KIRREL1: variants seen among roughly 807,000 people sequenced by gnomAD.
KIRREL1 encodes kin of IRRE-like protein 1.
A neutral mutation model predicts 83.3 loss-of-function variants in KIRREL1; 25 were observed. The ratio of observed to expected loss-of-function variants is 0.30; its 90% CI spans 0.22 to 0.42. KIRREL1 has a LOEUF of 0.42. KIRREL1 is among the 10% of genes least tolerant of loss of function. KIRREL1 has a pLI of 1.00. For synonymous variants in KIRREL1, 388 were observed against 410.4 expected (o/e 0.95, Z 0.66); for missense variants, 812 against 1,032.3 (o/e 0.79, Z 2.92).
intron 1 of KIRREL1, among the ~76,000 whole-genome samples, chr1:158,068,643 TCTC>T (rs1381525159): frequency 6.6e-6 from 1 of 152,168 alleles, no homozygotes; most frequent in African/African-American, 2.4e-5. Flanking sequence ...TGCCTTCTCT[TCTC>T]CTCTATCAGA....
intron 1 of KIRREL1, among the ~76,000 whole-genome samples, chr1:158,012,169 G>C (rs1659707570): frequency 6.6e-6 from 1 of 152,170 alleles, no homozygotes; most frequent in Non-Finnish European, 1.5e-5. Flanking sequence ...AGGTGACCTG[G>C]ATTTTAATCT....
chr1:158,000,899 G>A (rs1304466302), intron 1 of KIRREL1, among the ~76,000 whole-genome samples: 1 of 152,192 alleles, frequency 6.6e-6, no homozygotes, highest in East Asian at 1.9e-4. Context: ...AATTCCATTA[G>A]TTTCCCAGGA....
At chr1:158,036,796 G>C (rs1395401981) in intron 1 of KIRREL1, among the ~76,000 whole-genome samples, 1 of 152,186 alleles carries the variant, frequency 6.6e-6, no homozygotes, top group East Asian at 1.9e-4. Flanking sequence ...CTGAAGTAGG[G>C]GATAGAGAGG....
intron 4 of KIRREL1, among the ~76,000 whole-genome samples, chr1:158,084,872 T>C (rs1332082523): frequency 1.3e-5 from 2 of 152,250 alleles, no homozygotes; most frequent in Non-Finnish European, 2.9e-5. Context: ...AAACACTTTA[T>C]GGACAGTCTC....
chr1:158,043,028 C>G (rs1660678655), intron 1 of KIRREL1, among the ~76,000 whole-genome samples: 1 of 149,202 alleles, frequency 6.7e-6, no homozygotes, highest in South Asian at 2.1e-4. Context: ...ACGGAGCTTG[C>G]AGTGAGCGGA....
chr1:158,035,770 G>T (rs531713060), intron 1 of KIRREL1, among the ~76,000 whole-genome samples: 30 of 152,244 alleles, frequency 2.0e-4, no homozygotes, highest in Admixed American at 1.3e-4. Context: ...CCTGCTATGT[G>T]GAGACCATGT....
chr1:158,087,762 T>C lies in KIRREL1; in HGVS notation c.669T>C (p.Pro223=), dbSNP rs759081693. The C allele has an allele frequency of 1.2e-6, 2 of 1,613,650 alleles. No individual in the cohort carries two copies. ...CTGTGCTCTACTTTGCAGACCCTCCTACAGTGACCCTGTCCATTGAGCCAC... is the reference window on the plus strand; with the variant it reads ...CTGTGCTCTACTTTGCAGACCCTCCCACAGTGACCCTGTCCATTGAGCCAC... The part of the protein sequence containing the change: ...TSIELDVHHP[P]TVTLSIEPQT... The change falls in exon 6 of 15, where the codon CCT becomes CCC. Residue 223 remains proline, a synonymous_variant. Transcript: ENST00000359209.
chr1:158,088,516 G>T, intron 8 of KIRREL1, 62 bp downstream of exon 8: 7 of 1,352,526 alleles, frequency 5.2e-6, no homozygotes, highest in African/African-American at 1.8e-5. Flanking sequence ...ACGGAGTCTC[G>T]CTCTGTCGCC....
chr1:157,995,847 G>A (rs1659183110), intron 1 of KIRREL1, among the ~76,000 whole-genome samples: 1 of 151,970 alleles, frequency 6.6e-6, no homozygotes, highest in African/African-American at 2.4e-5. Flanking sequence ...GACAGGAGGG[G>A]AGGGGAAATC....
At chr1:158,019,066 C>T (rs1375492922) in intron 1 of KIRREL1, among the ~76,000 whole-genome samples, 1 of 152,174 alleles carries the variant, frequency 6.6e-6, no homozygotes, top group Non-Finnish European at 1.5e-5. Context: ...CTCCACTCTG[C>T]CCTCTAGAAA....
At chr1:158,041,902 G>A (rs557703189) in intron 1 of KIRREL1, among the ~76,000 whole-genome samples, 1 of 152,188 alleles carries the variant, frequency 6.6e-6, no homozygotes, top group African/African-American at 2.4e-5. Flanking sequence ...AGCTAGAGAT[G>A]GCGAGGAGGG....
In KIRREL1 at chr1:158,096,887, C is replaced by T. The variant is rs1662368680; in HGVS notation, c.*1767C>T. On this transcript the variant is annotated 3_prime_UTR_variant, in exon 15 of 15. Coordinates refer to ENST00000359209, the MANE Select transcript of KIRREL1 (RefSeq NM_018240.7). ...TTCCTCGCCCTTTCTCCGTGGTCAC[C>T]ATTCATAATTCATGTTCGCTTTAAT... 2.2e-6 allele frequency: 1 copy of T among 456,622 alleles called. No homozygotes were observed. The highest frequency in any genetic ancestry group is 2.0e-5 in the African/African-American group (1 of 50,074). The allele number at this position is 456,622 out of a possible 1,614,324, so 28.3% of individuals were successfully genotyped here.
At chr1:158,086,372 C>T (rs933339614) in intron 4 of KIRREL1, among the ~76,000 whole-genome samples, 1 of 151,106 alleles carries the variant, frequency 6.6e-6, no homozygotes, top group African/African-American at 2.4e-5. Context: ...ATAGCAAGAC[C>T]CTAAAAATAT....
intron 1 of KIRREL1, among the ~76,000 whole-genome samples, chr1:157,997,108 A>G (rs1659227290): frequency 6.6e-6 from 1 of 152,076 alleles, no homozygotes; most frequent in South Asian, 2.1e-4. Context: ...TAAATATCTG[A>G]TCAATTGATT....
chr1:158,051,738 C>A (rs751871683), intron 1 of KIRREL1, among the ~76,000 whole-genome samples: 1 of 152,162 alleles, frequency 6.6e-6, no homozygotes, highest in African/African-American at 2.4e-5. Flanking sequence ...AGATGAAGTT[C>A]ATACTCCTTG....
At chr1:158,012,753 C>T (rs972434370) in intron 1 of KIRREL1, among the ~76,000 whole-genome samples, 4 of 152,244 alleles carry the variant, frequency 2.6e-5, no homozygotes, top group African/African-American at 7.2e-5. Flanking sequence ...TTCTTTGTCT[C>T]AGCCTCCCAT....
At chr1:158,086,449 CAA>C in intron 4 of KIRREL1, 145 bp from the exon 5 acceptor site, 1 of 667,022 alleles carries the variant, frequency 1.5e-6, no homozygotes, top group South Asian at 2.0e-5. Context: ...CACACACACA[CAA>C]GGGAAGAGGT....
intron 1 of KIRREL1, among the ~76,000 whole-genome samples, chr1:158,062,770 C>T (rs1570966247): frequency 6.6e-6 from 1 of 152,258 alleles, no homozygotes; most frequent in Non-Finnish European, 1.5e-5. Flanking sequence ...TGATTCTTCT[C>T]AAGCCTGTCC....
intron 1 of KIRREL1, among the ~76,000 whole-genome samples, chr1:158,065,594 G>A (rs192673958): frequency 1.3e-5 from 2 of 152,268 alleles, no homozygotes; most frequent in East Asian, 3.9e-4. Flanking sequence ...GGTGAGCTGT[G>A]AGCCAGCCTT....
Sources: allele counts gnomAD v4.1 joint callset (sites outside exome capture counted in the v4.1 genomes callset), GRCh38; gene constraint gnomAD v4.1.1; transcripts MANE v1.5; gene names NCBI Gene and HGNC (gene_info 2026-07-23, HGNC 2026-07-21).